Variants in KIAA1958 observed in about 807,000 individuals in gnomAD.
The protein encoded by KIAA1958 is uncharacterized protein KIAA1958.
In KIAA1958, 14 loss-of-function variants were observed where a neutral mutation model predicts 47.2. The observed-to-expected ratio is 0.30, with a 90% confidence interval of 0.20 to 0.46. The LOEUF (loss-of-function observed/expected upper bound fraction) is 0.46. Ranked by LOEUF, KIAA1958 falls within the 20% of genes least tolerant of loss-of-function variation. KIAA1958 has a pLI of 1.00. For synonymous variants in KIAA1958, 354 were observed against 353.3 expected, an observed-to-expected ratio of 1.00 and a Z score of -0.02; for missense variants, 803 against 909.2, an observed-to-expected ratio of 0.88 and a Z score of 1.50.
At chr9:112,596,169 A>G (rs1331278319) in intron 2 of KIAA1958, among the ~76,000 whole-genome samples, 7 of 152,116 alleles carry the variant, frequency 4.6e-5, no homozygotes. Context: ...ATAGTTGAGA[A>G]TTTTTTTAAA....
At position 112,660,976 on chromosome 9, in the gene KIAA1958, G is replaced by T. The variant is rs758245435; in HGVS notation, c.*907G>T. Reference sequence around the variant, plus strand: ...TGTTCTTCGTGTCATCCCATTATTCGGTCAGCATATACCACTGGATCTATA... The same window carrying T: ...TGTTCTTCGTGTCATCCCATTATTCTGTCAGCATATACCACTGGATCTATA... On this transcript the variant is annotated 3_prime_UTR_variant, in exon 4 of 4. Coordinates refer to ENST00000337530, the MANE Select transcript of KIAA1958 (RefSeq NM_133465.4). 1 of 152,134 alleles carries T rather than the reference G, an allele frequency of 6.6e-6. No homozygotes were observed. The allele number at this position is 152,134 out of a possible 1,614,324, so 9.4% of individuals were successfully genotyped here.
At chr9:112,555,271 G>A (rs957672301) in intron 1 of KIAA1958, among the ~76,000 whole-genome samples, 1 of 152,214 alleles carries the variant, frequency 6.6e-6, no homozygotes, top group African/African-American at 2.4e-5. Context: ...TTTTGAAGGA[G>A]TGTCTCATTA....
At chr9:112,505,499 A>G (rs891255919) in intron 1 of KIAA1958, among the ~76,000 whole-genome samples, 1 of 152,242 alleles carries the variant, frequency 6.6e-6, no homozygotes, top group Non-Finnish European at 1.5e-5. Context: ...AACGCTAGAT[A>G]GCAAAGAAAA....
intron 2 of KIAA1958, among the ~76,000 whole-genome samples, chr9:112,626,728 T>A (rs1295101377): frequency 2.6e-5 from 4 of 151,956 alleles, no homozygotes; most frequent in African/African-American, 9.7e-5. Flanking sequence ...TAACTTTATC[T>A]AACTGAACTT....
chr9:112,486,885 G>A lies in KIAA1958; in HGVS notation c.-258G>A, dbSNP rs1833857585. On this transcript the variant is annotated 5_prime_UTR_variant, in exon 1 of 4. Transcript: ENST00000337530. ...CGCGGAGCTCGGGGCGCACGGAGCGGCGCGCGGCGGTCGGCCGAGCCAGGC... is the reference window on the plus strand; with the variant it reads ...CGCGGAGCTCGGGGCGCACGGAGCGACGCGCGGCGGTCGGCCGAGCCAGGC... 7.0e-6 allele frequency: 1 copy of A among 143,778 alleles called. No homozygotes were observed. The highest frequency in any genetic ancestry group is 2.1e-4 in the South Asian group (1 of 4,716). 8.9% of individuals were successfully genotyped at this position (143,778 alleles called of 1,614,324 possible). A position where few individuals can be genotyped will look rare whatever the true frequency, so the allele number is the denominator to read the frequency against.
intron 2 of KIAA1958, among the ~76,000 whole-genome samples, chr9:112,631,555 A>C (rs1031499510): frequency 4.3e-5 from 6 of 139,392 alleles, no homozygotes; most frequent in Non-Finnish European, 7.9e-5. Flanking sequence ...AAAAAAAAAA[A>C]AGGAAGTAAA....
intron 1 of KIAA1958, among the ~76,000 whole-genome samples, chr9:112,508,441 T>C (rs544878371): frequency 6.6e-6 from 1 of 152,346 alleles, no homozygotes; most frequent in Non-Finnish European, 1.5e-5. Context: ...ATTCATTATG[T>C]CAAGCATTAC....
intron 2 of KIAA1958, among the ~76,000 whole-genome samples, chr9:112,622,656 A>C (rs970482078): frequency 6.6e-6 from 1 of 152,162 alleles, no homozygotes; most frequent in African/African-American, 2.4e-5. Context: ...AATTTTCCCT[A>C]TGTTAAATCA....
At chr9:112,539,252 CATA>C (rs1368396158) in intron 1 of KIAA1958, among the ~76,000 whole-genome samples, 1 of 152,186 alleles carries the variant, frequency 6.6e-6, no homozygotes, top group Non-Finnish European at 1.5e-5. Flanking sequence ...TGTGAATTCT[CATA>C]GTAGCATTAT....
At chr9:112,589,176 A>G (rs1362969650) in intron 2 of KIAA1958, among the ~76,000 whole-genome samples, 2 of 152,194 alleles carry the variant, frequency 1.3e-5, no homozygotes, top group African/African-American at 2.4e-5. Context: ...TTAATTAGAA[A>G]TTTTTAAAAA....
chr9:112,579,978 A>G (rs1366667149), intron 2 of KIAA1958, among the ~76,000 whole-genome samples: 3 of 152,094 alleles, frequency 2.0e-5, no homozygotes. Context: ...CTTCCTCCCT[A>G]TTAGATTCAC....
chr9:112,610,687 G>C (rs1427539005), intron 2 of KIAA1958, among the ~76,000 whole-genome samples: 4 of 152,130 alleles, frequency 2.6e-5, no homozygotes, highest in Admixed American at 2.6e-4. Flanking sequence ...GAGAGCATCA[G>C]ACCTAGATGG....
At chr9:112,495,239 T>C (rs1834033360) in intron 1 of KIAA1958, among the ~76,000 whole-genome samples, 1 of 152,214 alleles carries the variant, frequency 6.6e-6, no homozygotes, top group Non-Finnish European at 1.5e-5. Flanking sequence ...TTATTCCTTT[T>C]GAAATATGTT....
intron 1 of KIAA1958, among the ~76,000 whole-genome samples, chr9:112,535,394 A>G (rs974456227): frequency 6.6e-6 from 1 of 152,184 alleles, no homozygotes; most frequent in Non-Finnish European, 1.5e-5. Flanking sequence ...AGATTCGTCC[A>G]TGTTGTCACA....
chr9:112,641,956 G>T (rs965158883), intron 2 of KIAA1958, among the ~76,000 whole-genome samples: 1 of 152,080 alleles, frequency 6.6e-6, no homozygotes, highest in African/African-American at 2.4e-5. Context: ...TGGTTTTCCA[G>T]ATTAAGTCTC....
chr9:112,508,257 T>C (rs989411505), intron 1 of KIAA1958, among the ~76,000 whole-genome samples: 8 of 152,214 alleles, frequency 5.3e-5, no homozygotes, highest in African/African-American at 1.7e-4. Context: ...GAAATCCATT[T>C]AACTTGCTTT....
chr9:112,527,305 A>G (rs1293365587), intron 1 of KIAA1958, among the ~76,000 whole-genome samples: 2 of 152,234 alleles, frequency 1.3e-5, no homozygotes, highest in Non-Finnish European at 2.9e-5. Context: ...TCCTTTTGAA[A>G]GGATTTTAGT....
At chr9:112,630,541 A>AT (rs1358909332) in intron 2 of KIAA1958, among the ~76,000 whole-genome samples, 4 of 152,220 alleles carry the variant, frequency 2.6e-5, no homozygotes, top group Non-Finnish European at 4.4e-5. Flanking sequence ...GTGTTCTAAA[A>AT]TTAACTTATT....
At chr9:112,642,459 TTC>T (rs1249411487) in intron 2 of KIAA1958, among the ~76,000 whole-genome samples, 1 of 152,246 alleles carries the variant, frequency 6.6e-6, no homozygotes, top group Non-Finnish European at 1.5e-5. Flanking sequence ...TCCCTTTCCT[TTC>T]TCTGTCCCCT....
Sources: allele counts gnomAD v4.1 joint callset (sites outside exome capture counted in the v4.1 genomes callset), GRCh38; gene constraint gnomAD v4.1.1; transcripts MANE v1.5; gene names NCBI Gene and HGNC (gene_info 2026-07-23, HGNC 2026-07-21).